ST8SIA2: variants seen among roughly 807,000 people sequenced by gnomAD.
The protein encoded by ST8SIA2 is alpha-2,8-sialyltransferase 8B.
ST8SIA2 carries 22 observed loss-of-function variants against 37.6 expected under a neutral mutation model. The ratio of observed to expected loss-of-function variants is 0.58; its 90% confidence interval spans 0.42 to 0.83. The LOEUF (loss-of-function observed/expected upper bound fraction) is 0.83. Among genes scored for constraint, ST8SIA2 ranks in the 40% least tolerant of loss-of-function variants. The pLI, the probability that ST8SIA2 is intolerant of heterozygous loss-of-function variation, is 0.00. For synonymous variants in ST8SIA2, 205 were observed against 201.2 expected (o/e 1.02, Z -0.16); for missense variants, 382 against 484.7 (o/e 0.79, Z 1.99).
chr15:92,429,897 G>T, intron 1 of ST8SIA2, 152 bp from the exon 2 acceptor site: 1 of 807,654 alleles, frequency 1.2e-6, no homozygotes. Flanking sequence ...CTGTGTCTGG[G>T]GCCAGGACTT....
chr15:92,434,437 G>A, intron 3 of ST8SIA2, 62 bp downstream of exon 3: 1 of 1,610,914 alleles, frequency 6.2e-7, no homozygotes, highest in Non-Finnish European at 8.5e-7. Flanking sequence ...CGGGCAAATT[G>A]CTTCTCTTCG....
chr15:92,427,080 A>C (rs2049681776), intron 1 of ST8SIA2, among the ~76,000 whole-genome samples: 1 of 152,218 alleles, frequency 6.6e-6, no homozygotes, highest in Admixed American at 6.5e-5. Flanking sequence ...TGGGTGACAG[A>C]GCGAGACTCC....
chr15:92,397,110 C>T (rs2049437663), intron 1 of ST8SIA2, among the ~76,000 whole-genome samples: 1 of 152,102 alleles, frequency 6.6e-6, no homozygotes, highest in African/African-American at 2.4e-5. Flanking sequence ...AACAGTGGGA[C>T]CCTGTGATCT....
At chr15:92,462,372 C>G (rs939861591) in intron 5 of ST8SIA2, among the ~76,000 whole-genome samples, 11 of 152,156 alleles carry the variant, frequency 7.2e-5, no homozygotes, top group African/African-American at 2.7e-4. Context: ...TACAAACACA[C>G]AAACAAAAAG....
intron 5 of ST8SIA2, among the ~76,000 whole-genome samples, chr15:92,454,439 T>C (rs1303078773): frequency 1.3e-5 from 2 of 152,030 alleles, no homozygotes; most frequent in Non-Finnish European, 2.9e-5. Context: ...GTACTGGGGG[T>C]TAAAACATCA....
chr15:92,446,493 G>T (rs949445073), intron 5 of ST8SIA2, among the ~76,000 whole-genome samples: 1 of 152,270 alleles, frequency 6.6e-6, no homozygotes, highest in Middle Eastern at 3.4e-3. Flanking sequence ...GCCAATTTGT[G>T]TACATGTTTT....
intron 5 of ST8SIA2, among the ~76,000 whole-genome samples, chr15:92,455,721 T>C (rs975598343): frequency 6.6e-6 from 1 of 152,222 alleles, no homozygotes; most frequent in South Asian, 2.1e-4. Flanking sequence ...GTATAATCAA[T>C]GCTACATCGA....
In ST8SIA2 at chr15:92,446,261, G is replaced by A. The variant is rs368886799; in HGVS notation, c.842+1332G>A. 7.9e-5 allele frequency among the ~76,000 whole-genome samples: 12 copies of A among 152,244 alleles called. No homozygotes were observed. The East Asian group carries it at 2.3e-3, about 29-fold the overall frequency. On this transcript the variant is annotated intron_variant, in intron 5 of 5. Coordinates refer to ENST00000268164, the MANE Select transcript of ST8SIA2 (RefSeq NM_006011.4). ...TTTCTCCAAATGATCTCTCCGCATG[G>A]GCTAGATTGGGCTTCCTCACAGCAT...
intron 4 of ST8SIA2, among the ~76,000 whole-genome samples, chr15:92,439,964 G>A (rs913136268): frequency 6.6e-6 from 1 of 152,148 alleles, no homozygotes; most frequent in African/African-American, 2.4e-5. Flanking sequence ...GGGGGTGGCT[G>A]TCTGACCTAA....
At chr15:92,456,766 C>G (rs556488851) in intron 5 of ST8SIA2, among the ~76,000 whole-genome samples, 2 of 152,138 alleles carry the variant, frequency 1.3e-5, no homozygotes, top group African/African-American at 4.8e-5. Context: ...CTCACAAGCC[C>G]GATGGAGGCT....
At chr15:92,455,698 C>T (rs2141848161) in intron 5 of ST8SIA2, among the ~76,000 whole-genome samples, 1 of 152,266 alleles carries the variant, frequency 6.6e-6, no homozygotes, top group East Asian at 1.9e-4. Flanking sequence ...AGGGTGTTTC[C>T]AATTTTTTGC....
intron 1 of ST8SIA2, among the ~76,000 whole-genome samples, chr15:92,399,587 A>G (rs2049455566): frequency 6.6e-6 from 1 of 151,614 alleles, no homozygotes; most frequent in South Asian, 2.1e-4. Flanking sequence ...ACGTTTGCTC[A>G]ACACGATGCA....
chr15:92,393,901 T>TGCC lies in ST8SIA2; in HGVS notation c.-161_-159dup, dbSNP rs1228570237. The TGCC allele has an allele frequency of 8.1e-6, 2 of 248,436 alleles. No homozygotes were observed. The highest frequency in any genetic ancestry group is 1.4e-5 in the Non-Finnish European group (2 of 138,790). 15.4% of individuals were successfully genotyped at this position (248,436 alleles called of 1,614,324 possible). ...CGCCTGAGCAACCCCTGCCTGTCGCTGCCGCTGCCGCTGCCGCTGCCGCCG... is the reference window on the plus strand; with the variant it reads ...CGCCTGAGCAACCCCTGCCTGTCGCTGCCGCCGCTGCCGCTGCCGCTGCCGCCG... On this transcript the variant is annotated 5_prime_UTR_variant, in exon 1 of 6. Coordinates refer to ENST00000268164, the MANE Select transcript of ST8SIA2 (RefSeq NM_006011.4).
At chr15:92,402,942 C>G (rs1163367837) in intron 1 of ST8SIA2, among the ~76,000 whole-genome samples, 1 of 152,126 alleles carries the variant, frequency 6.6e-6, no homozygotes, top group Non-Finnish European at 1.5e-5. Flanking sequence ...TAGGGGAAGA[C>G]AGAAGAGTTG....
At chr15:92,435,983 C>T (rs112983320) in intron 3 of ST8SIA2, among the ~76,000 whole-genome samples, 6,640 of 152,254 alleles carry the variant, frequency 0.044, 491 homozygotes, top group African/African-American at 0.15. Flanking sequence ...CCTCTCACCG[C>T]TTCCAGCCTC....
intron 3 of ST8SIA2, 61 bp from the exon 4 acceptor site, chr15:92,438,292 G>T: frequency 6.2e-7 from 1 of 1,613,802 alleles, no homozygotes; most frequent in Non-Finnish European, 8.5e-7. Flanking sequence ...AGGAAAAGCT[G>T]GGCTGGCAAA....
At chr15:92,451,487 C>T (rs1198205559) in intron 5 of ST8SIA2, among the ~76,000 whole-genome samples, 2 of 152,200 alleles carry the variant, frequency 1.3e-5, no homozygotes, top group Non-Finnish European at 2.9e-5. Flanking sequence ...GTTGAGGTTG[C>T]CCTTGCCCTT....
At position 92,458,555 on chromosome 15, in the gene ST8SIA2, G is replaced by C. The variant is rs868174139; in HGVS notation, c.843-5545G>C. Among the ~76,000 whole-genome samples the C allele has an allele frequency of 2.3e-4, 35 of 152,310 alleles. 1 individual carries two copies. Among genetic ancestry groups the C allele is most frequent in the Middle Eastern group, 3.4e-3 (1 of 294 alleles). ...AGTACAGTTTCATGTTCCCCTTCTG[G>C]AAAGCATCCCTTCCGTCTCTAAAAT... is the stretch of plus-strand genomic sequence containing the variant. On this transcript the variant is annotated intron_variant, in intron 5 of 5. Coordinates refer to ENST00000268164, the MANE Select transcript of ST8SIA2 (RefSeq NM_006011.4).
At chr15:92,464,037 C>G in intron 5 of ST8SIA2, 63 bp from the exon 6 acceptor site, 1 of 1,508,214 alleles carries the variant, frequency 6.6e-7, no homozygotes, top group Non-Finnish European at 8.8e-7. Context: ...TTTTGTCTTC[C>G]TGGAAAGGAT....
Sources: gnomAD v4.1 joint callset for allele counts (sites outside exome capture counted in the v4.1 genomes callset) on GRCh38, gnomAD v4.1.1 for gene constraint, MANE v1.5 for transcripts, NCBI Gene and HGNC (gene_info 2026-07-23, HGNC 2026-07-21) for gene names.